Variants in THSD4 observed in about 807,000 individuals in gnomAD.
THSD4 encodes thrombospondin type 1 domain containing 4.
Under a neutral mutation model 119.0 loss-of-function variants are expected in THSD4, and 69 were observed. That is an observed-to-expected ratio of 0.58 (90% CI 0.48 to 0.71). THSD4 has a LOEUF of 0.71. Among genes scored for constraint, THSD4 ranks in the 30% least tolerant of loss-of-function variants. The pLI is 0.00. For synonymous variants in THSD4, 524 were observed against 540.4 expected, an observed-to-expected ratio of 0.97 and a Z score of 0.42; for missense variants, 1,393 against 1,391.1, an observed-to-expected ratio of 1.00 and a Z score of -0.02.
At chr15:71,130,256 G>A (rs948734333) in intron 1 of THSD4, among the ~76,000 whole-genome samples, 9 of 152,158 alleles carry the variant, frequency 5.9e-5, no homozygotes, top group African/African-American at 2.2e-4. Flanking sequence ...CATAGTCTCG[G>A]TTCATTGCAG....
chr15:71,344,166 G>A (rs2045621628), intron 6 of THSD4, among the ~76,000 whole-genome samples: 1 of 151,880 alleles, frequency 6.6e-6, no homozygotes. Context: ...AGCCTCCCGA[G>A]TAGCTGGGAC....
intron 7 of THSD4, among the ~76,000 whole-genome samples, chr15:71,513,911 C>T (rs1342037291): frequency 6.6e-6 from 1 of 152,154 alleles, no homozygotes; most frequent in African/African-American, 2.4e-5. Flanking sequence ...CAAAAGAAGC[C>T]AAACACACAA....
intron 11 of THSD4, among the ~76,000 whole-genome samples, chr15:71,742,491 C>T (rs905211133): frequency 6.6e-6 from 1 of 152,218 alleles, no homozygotes; most frequent in Non-Finnish European, 1.5e-5. Flanking sequence ...TGCTAATTAC[C>T]TGTGTACAGT....
At chr15:71,153,119 A>G (rs1368224224) in intron 2 of THSD4, among the ~76,000 whole-genome samples, 3 of 152,168 alleles carry the variant, frequency 2.0e-5, no homozygotes, top group African/African-American at 4.8e-5. Context: ...AGAATCAGGC[A>G]CCAATCCTTG....
intron 7 of THSD4, among the ~76,000 whole-genome samples, chr15:71,598,302 T>C (rs2049943316): frequency 6.6e-6 from 1 of 152,120 alleles, no homozygotes; most frequent in Non-Finnish European, 1.5e-5. Context: ...AGAGTGCTAG[T>C]TTGACTAGAG....
At chr15:71,663,355 G>A (rs189611011) in intron 8 of THSD4, among the ~76,000 whole-genome samples, 11 of 152,282 alleles carry the variant, frequency 7.2e-5, no homozygotes, top group African/African-American at 2.6e-4. Flanking sequence ...AATCGGTAGC[G>A]TCCATGAAAA....
Position 71,297,320 on chromosome 15 carries a change from T to TTTTTTTTTTG in THSD4, c.1015+40608_1015+40609insTTTTTTGTTT, listed in dbSNP as rs111707595. On this transcript the variant is annotated intron_variant, in intron 6 of 17. Transcript: ENST00000261862. The stretch of plus-strand genomic sequence containing the variant: ...AAGTCCTTTGCTCTCCTCTTCTTTT[T>TTTTTTTTTTG]TTTGTTTGTTTGTTTGTTTGTTTGT... Among the ~76,000 whole-genome samples the TTTTTTTTTTG allele has an allele frequency of 8.5e-3, 1,258 of 148,008 alleles. 6 individuals are homozygous for TTTTTTTTTTG. Among genetic ancestry groups the TTTTTTTTTTG allele is most frequent in the Non-Finnish European group, 0.011 (729 of 66,954 alleles).
intron 3 of THSD4, among the ~76,000 whole-genome samples, chr15:71,168,115 T>G (rs1460975015): frequency 6.6e-6 from 1 of 152,236 alleles, no homozygotes; most frequent in Non-Finnish European, 1.5e-5. Flanking sequence ...TAAAGATACT[T>G]GGCAAATGAC....
chr15:71,436,844 A>G (rs1231614231), intron 7 of THSD4, among the ~76,000 whole-genome samples: 1 of 152,148 alleles, frequency 6.6e-6, no homozygotes, highest in Admixed American at 6.5e-5. Context: ...TTTTACGGGG[A>G]AATGAATGGA....
At chr15:71,279,301 G>T (rs991081952) in intron 6 of THSD4, among the ~76,000 whole-genome samples, 1 of 151,954 alleles carries the variant, frequency 6.6e-6, no homozygotes, top group Non-Finnish European at 1.5e-5. Flanking sequence ...CCCGTGTCCA[G>T]TGAGCCTGTA....
chr15:71,109,751 G>T (rs893281263), intron 1 of THSD4, among the ~76,000 whole-genome samples: 3 of 151,292 alleles, frequency 2.0e-5, no homozygotes, highest in Non-Finnish European at 4.4e-5. Flanking sequence ...AAAAAGGAAC[G>T]TGGGACCCAG....
intron 6 of THSD4, among the ~76,000 whole-genome samples, chr15:71,322,870 G>A (rs997365469): frequency 2.0e-5 from 3 of 152,074 alleles, no homozygotes; most frequent in Admixed American, 6.5e-5. Flanking sequence ...GCTTAGGTGG[G>A]GGGATCACTT....
intron 6 of THSD4, among the ~76,000 whole-genome samples, chr15:71,258,484 A>G (rs1358885363): frequency 6.6e-6 from 1 of 152,078 alleles, no homozygotes; most frequent in Non-Finnish European, 1.5e-5. Context: ...CAGCCTGTAA[A>G]TGGTTTTGTA....
At chr15:71,566,510 G>A (rs1353009888) in intron 7 of THSD4, among the ~76,000 whole-genome samples, 1 of 152,144 alleles carries the variant, frequency 6.6e-6, no homozygotes, top group African/African-American at 2.4e-5. Context: ...AATATAACTT[G>A]TTAAAGGGTG....
chr15:71,727,101 C>A (rs2141124508), intron 8 of THSD4, among the ~76,000 whole-genome samples: 1 of 152,222 alleles, frequency 6.6e-6, no homozygotes, highest in Non-Finnish European at 1.5e-5. Context: ...GTACCCGCCT[C>A]CTGAGTACAC....
intron 6 of THSD4, among the ~76,000 whole-genome samples, chr15:71,286,542 T>C (rs1185355764): frequency 2.0e-5 from 3 of 152,244 alleles, no homozygotes; most frequent in Admixed American, 6.5e-5. Context: ...ACATTTTCTT[T>C]AGTCAGTCTA....
rs768109324 is a variant in THSD4, at chr15:71,215,288, G to T, written c.353G>T (p.Arg118Leu). Reference sequence around the variant, plus strand: ...ACGTCGGTGCCACTGCACCGGAGCCGCGACGAGACGCCAGCGCTGGCCGGT... The same window carrying T: ...ACGTCGGTGCCACTGCACCGGAGCCTCGACGAGACGCCAGCGCTGGCCGGT... ...VRTSVPLHRS[R>L]DETPALAGTD... is the part of the protein sequence containing the mutation. The change falls in exon 4 of 18, where the codon CGC becomes CTC. Residue 118 changes from arginine to leucine, a missense_variant. By Grantham distance (102) the Arg-to-Leu change is moderately radical. Coordinates refer to ENST00000261862, the MANE Select transcript of THSD4 (RefSeq NM_024817.3). 6.6e-7 allele frequency: 1 copy of T among 1,521,992 alleles called. No homozygotes were observed. Among genetic ancestry groups the T allele is most frequent in the South Asian group, 1.2e-5 (1 of 83,366 alleles). 94.3% of individuals were successfully genotyped at this position (1,521,992 alleles called of 1,614,324 possible).
At chr15:71,369,405 A>G (rs539923165) in intron 6 of THSD4, among the ~76,000 whole-genome samples, 1 of 152,268 alleles carries the variant, frequency 6.6e-6, no homozygotes, top group South Asian at 2.1e-4. Context: ...TCAGTCTGAT[A>G]TTGGCTGTGG....
intron 16 of THSD4, 151 bp downstream of exon 16, chr15:71,765,350 T>C: frequency 1.1e-6 from 1 of 920,530 alleles, no homozygotes; most frequent in Non-Finnish European, 1.5e-6. Context: ...GAGTACCCCG[T>C]GACTCAGCCT....
Sources: gnomAD v4.1 joint callset for allele counts (sites outside exome capture counted in the v4.1 genomes callset) on GRCh38, gnomAD v4.1.1 for gene constraint, MANE v1.5 for transcripts, NCBI Gene and HGNC (gene_info 2026-07-23, HGNC 2026-07-21) for gene names.